Variants in PCDHGA9 observed in about 807,000 individuals in gnomAD.
PCDHGA9 encodes the protein protocadherin gamma subfamily A, 9.
Under a neutral mutation model 62.5 loss-of-function variants are expected in PCDHGA9, and 37 were observed. The ratio of observed to expected loss-of-function variants is 0.59; its 90% CI spans 0.46 to 0.78. The LOEUF is 0.78. Among genes scored for constraint, PCDHGA9 ranks in the 30% least tolerant of loss-of-function variants. The pLI, the probability that PCDHGA9 is intolerant of heterozygous loss-of-function variation, is 0.00. For synonymous variants in PCDHGA9, 459 were observed against 484.6 expected (o/e 0.95, Z 0.69); for missense variants, 1,138 against 1,166.2 (o/e 0.98, Z 0.35).
In PCDHGA9 at chr5:141,489,523, C is replaced by CT. The variant is rs1379784656; in HGVS notation, c.2425-5283dup. On this transcript the variant is annotated intron_variant, in intron 1 of 3. Coordinates refer to ENST00000573521, the MANE Select transcript of PCDHGA9 (RefSeq NM_018921.3). The surrounding 1 kb of genome is among the most constrained non-coding windows in gnomAD (Gnocchi z 4.5). ...GAATCAAAAGATTGACCGAGAAAGC[C>CT]TATGTGGAGCCAGCACCAGCTGCCT... 1 of 1,614,006 alleles carries CT rather than the reference C, an allele frequency of 6.2e-7. No homozygotes were observed. Among genetic ancestry groups the CT allele is most frequent in the Non-Finnish European group, 8.5e-7 (1 of 1,180,044 alleles).
At chr5:141,496,178 C>T (rs1481326898) in intron 2 of PCDHGA9, among the ~76,000 whole-genome samples, 2 of 152,080 alleles carry the variant, frequency 1.3e-5, no homozygotes, top group Admixed American at 1.3e-4. Flanking sequence ...CCCATCCAAG[C>T]AGCCCCAGCT....
At chr5:141,459,319 T>G (rs1270005431) in intron 1 of PCDHGA9, among the ~76,000 whole-genome samples, 1 of 152,216 alleles carries the variant, frequency 6.6e-6, no homozygotes, top group Non-Finnish European at 1.5e-5. Context: ...TTTGTATCCA[T>G]CTTCTTTTAC....
chr5:141,427,658 C>A, intron 1 of PCDHGA9: 2 of 738,894 alleles, frequency 2.7e-6, no homozygotes, highest in Non-Finnish European at 4.8e-6. Context: ...ACGTGGTCCA[C>A]GTGGCCGAAA....
intron 1 of PCDHGA9, among the ~76,000 whole-genome samples, chr5:141,469,723 C>G (rs2099209474): frequency 6.6e-6 from 1 of 152,210 alleles, no homozygotes; most frequent in Non-Finnish European, 1.5e-5. Context: ...AGGAATTTAT[C>G]ATAAATACAC....
At chr5:141,509,322 C>G (rs563556144) in intron 3 of PCDHGA9, among the ~76,000 whole-genome samples, 1 of 152,318 alleles carries the variant, frequency 6.6e-6, no homozygotes, top group East Asian at 1.9e-4. Flanking sequence ...GAGAGAAGCT[C>G]TACTGCCAGC....
chr5:141,423,327 A>C, intron 1 of PCDHGA9: 1 of 1,614,100 alleles, frequency 6.2e-7, no homozygotes, highest in Non-Finnish European at 8.5e-7. Context: ...CGGTGGCCGC[A>C]GTCTCCTGCA....
At chr5:141,441,102 C>G (rs1057297804) in intron 1 of PCDHGA9, 1 of 152,148 alleles carries the variant, frequency 6.6e-6, no homozygotes, top group East Asian at 1.9e-4. Context: ...GAGAGGGACT[C>G]ATTGTCCAGT....
At chr5:141,495,841 G>A (rs1187067340) in intron 2 of PCDHGA9, among the ~76,000 whole-genome samples, 1 of 151,864 alleles carries the variant, frequency 6.6e-6, no homozygotes, top group Non-Finnish European at 1.5e-5. Context: ...CAGCCTCTAT[G>A]TTTCTCTGTC....
intron 1 of PCDHGA9, among the ~76,000 whole-genome samples, chr5:141,453,850 CT>C (rs1465668273): frequency 1.3e-5 from 2 of 152,148 alleles, no homozygotes; most frequent in Non-Finnish European, 2.9e-5. Context: ...CCACAGAGCA[CT>C]TTGAAAATAA....
At chr5:141,498,830 G>T (rs2099786149) in intron 2 of PCDHGA9, among the ~76,000 whole-genome samples, 1 of 152,080 alleles carries the variant, frequency 6.6e-6, no homozygotes, top group Non-Finnish European at 1.5e-5. Context: ...CTACTCAGGA[G>T]GCTGAGGCAG....
intron 1 of PCDHGA9, chr5:141,421,236 TCGGCTACAG>T (rs761399164): frequency 3.8e-5 from 60 of 1,594,916 alleles, no homozygotes; most frequent in Non-Finnish European, 5.1e-5. Flanking sequence ...CCATGGCGAA[TCGGCTACAG>T]CGCGGGGACC....
chr5:141,436,167 G>A (rs933669166), intron 1 of PCDHGA9, among the ~76,000 whole-genome samples: 2 of 152,088 alleles, frequency 1.3e-5, no homozygotes, highest in Non-Finnish European at 2.9e-5. Flanking sequence ...CATATGGACA[G>A]TTCTCATATA....
rs1427052612 is a variant in PCDHGA9 at position 141,493,002 on chromosome 5, A to G, written c.2425-1805A>G. Among the ~76,000 whole-genome samples, 4 of 152,246 alleles carry G rather than the reference A, an allele frequency of 2.6e-5. No individual in the cohort carries two copies. The highest frequency in any genetic ancestry group is 2.1e-4 in the South Asian group (1 of 4,832). On this transcript the variant is annotated intron_variant, in intron 1 of 3. Transcript: ENST00000573521. This position sits in a 1 kb window ranked among gnomAD's most constrained non-coding sequence, Gnocchi z 4.3. ...TCTCCTCTGGCAGATGGAAAGCTAT[A>G]GGCTCTGCCAGATGCCAGGGTGCCC... is the stretch of plus-strand genomic sequence containing the variant.
chr5:141,508,737 C>A (rs919094477), intron 3 of PCDHGA9, among the ~76,000 whole-genome samples: 8 of 152,010 alleles, frequency 5.3e-5, no homozygotes, highest in Non-Finnish European at 1.2e-4. Flanking sequence ...CTACACCCCC[C>A]ACCCCGCTCT....
At chr5:141,450,556 G>T (rs534127421) in intron 1 of PCDHGA9, among the ~76,000 whole-genome samples, 1 of 151,940 alleles carries the variant, frequency 6.6e-6, no homozygotes, top group African/African-American at 2.4e-5. Flanking sequence ...GCGCAGTCTC[G>T]GCTCACTGCA....
chr5:141,437,651 CAT>C (rs1255783396), intron 1 of PCDHGA9, among the ~76,000 whole-genome samples: 2 of 151,990 alleles, frequency 1.3e-5, no homozygotes, highest in Non-Finnish European at 2.9e-5. Context: ...AAAGCAAACA[CAT>C]AGTTTCGAAG....
chr5:141,409,007 C>T, intron 1 of PCDHGA9: 1 of 1,613,932 alleles, frequency 6.2e-7, no homozygotes, highest in Non-Finnish European at 8.5e-7. Context: ...AGCCACTGAC[C>T]AGGATGAGGG....
Position 141,431,948 on chromosome 5 carries a change from T to G in PCDHGA9, c.2424+26572T>G. ...AAATCTGCCCTTTAAATTAGAAAAA[T>G]CTTACGGAAATTACTATAGTTTAGT... is the stretch of plus-strand genomic sequence containing the variant. On this transcript the variant is annotated intron_variant, in intron 1 of 3. Transcript: ENST00000573521. The surrounding 1 kb of genome is among the most constrained non-coding windows in gnomAD (Gnocchi z 4.8). The G allele has an allele frequency of 6.2e-7, 1 of 1,614,076 alleles. No homozygotes were observed. The highest frequency in any genetic ancestry group is 8.5e-7 in the Non-Finnish European group (1 of 1,180,006).
In PCDHGA9 at chr5:141,511,116, G is replaced by A. The variant is rs2099883616; in HGVS notation, c.2742G>A (p.Lys914=). Residue 914 remains lysine, a synonymous_variant, in exon 4 of 4, where the codon AAG becomes AAA. Transcript: ENST00000573521. The stretch of plus-strand genomic sequence containing the variant: ...ACGCAGCTGGCAAGCGGGATGGCAA[G>A]GCCCCAGCAGGTGGCAATGGCAACA... ...LTNAAGKRDG[K]APAGGNGNKK... The A allele has an allele frequency of 1.9e-6, 3 of 1,614,234 alleles. No individual in the cohort carries two copies. The highest frequency in any genetic ancestry group is 2.5e-6 in the Non-Finnish European group (3 of 1,180,026).
Sources: gnomAD v4.1 joint callset for allele counts (sites outside exome capture counted in the v4.1 genomes callset) on GRCh38, gnomAD v4.1.1 for gene constraint, Gnocchi (gnomAD v3.1) non-coding constraint, MANE v1.5 for transcripts, NCBI Gene and HGNC (gene_info 2026-07-23, HGNC 2026-07-21) for gene names.